The following BCL2L1 variants were observed in gnomAD, a reference collection of about 807,000 sequenced individuals.
The protein encoded by BCL2L1 is bcl-2-like protein 1.
In BCL2L1, 1 loss-of-function variant was observed where a neutral mutation model predicts 18.7. The observed-to-expected ratio is 0.05, with a 90% CI of 0.02 to 0.25. The LOEUF is 0.25. Ranked by LOEUF, BCL2L1 falls within the 10% of genes least tolerant of loss-of-function variation. The pLI is 1.00. For missense variants in BCL2L1, 207 were observed against 304.9 expected, an observed-to-expected ratio of 0.68 and a Z score of 2.39; for synonymous variants, 103 against 122.7, an observed-to-expected ratio of 0.84 and a Z score of 1.06.
chr20:31,703,087 C>T (rs1257287268), intron 2 of BCL2L1, among the ~76,000 whole-genome samples: 4 of 151,812 alleles, frequency 2.6e-5, no homozygotes, highest in African/African-American at 9.7e-5. Context: ...TCTTGTTGCC[C>T]AGGCTGGAGT....
At chr20:31,693,053 A>C (rs552771867) in intron 2 of BCL2L1, among the ~76,000 whole-genome samples, 1 of 151,218 alleles carries the variant, frequency 6.6e-6, no homozygotes, top group Non-Finnish European at 1.5e-5. Flanking sequence ...CCTGGGCGAG[A>C]AAGTGGGACC....
rs796497815 is a variant in BCL2L1 at position 31,722,656 on chromosome 20, C to G, written c.-169G>C. On this transcript the variant is annotated 5_prime_UTR_variant, in exon 1 of 3. Coordinates refer to ENST00000307677, the MANE Select transcript of BCL2L1 (RefSeq NM_138578.3). ...TTAGGCAAAGGCAGGCAGGTGCAGC[C>G]CCCGGAAGATCTTTTGTATCACAGG... The G allele has an allele frequency of 1.3e-5, 2 of 153,400 alleles. No individual in the cohort carries two copies. Among genetic ancestry groups the G allele is most frequent in the African/African-American group, 2.4e-5 (1 of 41,620 alleles). The allele number at this position is 153,400 out of a possible 1,614,324, so 9.5% of individuals were successfully genotyped here.
At chr20:31,691,252 T>A (rs542379547) in intron 2 of BCL2L1, among the ~76,000 whole-genome samples, 28 of 147,414 alleles carry the variant, frequency 1.9e-4, no homozygotes, top group African/African-American at 6.9e-4. Flanking sequence ...TAATTCAAAT[T>A]TACAGCCTTT....
In BCL2L1 at chr20:31,696,011, C is replaced by A. The variant is rs111919462; in HGVS notation, c.564+25644G>T. The stretch of plus-strand genomic sequence containing the variant: ...CCCAGGTTGGTCTCGAACTCCTGGG[C>A]TCAAGCAATACTCCCACTTCAGCTT... On this transcript the variant is annotated intron_variant, in intron 2 of 2. Transcript: ENST00000307677. 9.8e-3 allele frequency among the ~76,000 whole-genome samples: 1,486 copies of A among 152,236 alleles called. 23 individuals are homozygous for A. The highest frequency in any genetic ancestry group is 0.033 in the African/African-American group (1,377 of 41,520).
intron 2 of BCL2L1, among the ~76,000 whole-genome samples, chr20:31,671,024 G>A (rs560270801): frequency 1.1e-3 from 165 of 152,242 alleles, no homozygotes; most frequent in African/African-American, 3.7e-3. Context: ...GGAGGTCTCT[G>A]ATGTCACAAA....
intron 2 of BCL2L1, among the ~76,000 whole-genome samples, chr20:31,668,908 A>T (rs191800929): frequency 1.7e-3 from 245 of 145,484 alleles, no homozygotes; most frequent in African/African-American, 5.9e-3. Context: ...CCCAGCCACC[A>T]TTTTTTTTTT....
intron 2 of BCL2L1, among the ~76,000 whole-genome samples, chr20:31,681,641 T>TAATC (rs932194431): frequency 5.3e-5 from 8 of 152,258 alleles, no homozygotes; most frequent in South Asian, 2.1e-4. Flanking sequence ...ATACTGTTCT[T>TAATC]AATCAATCAA....
intron 2 of BCL2L1, among the ~76,000 whole-genome samples, chr20:31,685,007 G>A (rs994117539): frequency 1.3e-5 from 2 of 152,140 alleles, no homozygotes; most frequent in Non-Finnish European, 2.9e-5. Flanking sequence ...TACTGGCTCT[G>A]GGGACCTCCC....
chr20:31,710,553 G>A (rs960956174), intron 2 of BCL2L1, among the ~76,000 whole-genome samples: 11 of 152,222 alleles, frequency 7.2e-5, no homozygotes, highest in African/African-American at 2.7e-4. Context: ...AGTCTGGATT[G>A]GCAATGCAGT....
intron 2 of BCL2L1, among the ~76,000 whole-genome samples, chr20:31,712,258 A>AG (rs2061465577): frequency 6.6e-6 from 1 of 152,222 alleles, no homozygotes; most frequent in South Asian, 2.1e-4. Context: ...AGCGTTTAAA[A>AG]GGGGGAGGTT....
chr20:31,690,009 ACT>A (rs972132161), intron 2 of BCL2L1, among the ~76,000 whole-genome samples: 10 of 152,312 alleles, frequency 6.6e-5, no homozygotes, highest in African/African-American at 2.2e-4. Flanking sequence ...CAAGAGCGAA[ACT>A]CTGTCTCAAA....
intron 2 of BCL2L1, among the ~76,000 whole-genome samples, chr20:31,676,360 A>T (rs2060760820): frequency 2.0e-5 from 3 of 152,156 alleles, no homozygotes; most frequent in African/African-American, 7.2e-5. Context: ...AGAGAGGATA[A>T]ATCACCCTCC....
chr20:31,706,198 C>T (rs1014440737), intron 2 of BCL2L1, among the ~76,000 whole-genome samples: 4 of 152,068 alleles, frequency 2.6e-5, no homozygotes, highest in East Asian at 3.9e-4. Context: ...CACTGATCCT[C>T]GATAGTTCAG....
chr20:31,707,024 G>A (rs2061377577), intron 2 of BCL2L1, among the ~76,000 whole-genome samples: 1 of 152,206 alleles, frequency 6.6e-6, no homozygotes, highest in African/African-American at 2.4e-5. Flanking sequence ...AGCACCTACT[G>A]TGTGCCAGGC....
At chr20:31,667,239 T>A (rs1353802298) in intron 2 of BCL2L1, among the ~76,000 whole-genome samples, 2 of 152,048 alleles carry the variant, frequency 1.3e-5, no homozygotes, top group Admixed American at 1.3e-4. Flanking sequence ...GGTGGGTGGA[T>A]TGCCTGAGGT....
At chr20:31,670,278 C>T (rs185616584) in intron 2 of BCL2L1, among the ~76,000 whole-genome samples, 2 of 152,282 alleles carry the variant, frequency 1.3e-5, no homozygotes, top group East Asian at 3.9e-4. Context: ...CCCAAGTACA[C>T]CCAGGTGGAG....
intron 2 of BCL2L1, among the ~76,000 whole-genome samples, chr20:31,670,808 T>G (rs2060656874): frequency 6.6e-6 from 1 of 152,094 alleles, no homozygotes; most frequent in African/African-American, 2.4e-5. Context: ...CGTGGGTATA[T>G]TTAGCCCATG....
rs934283414 is a variant in BCL2L1 at position 31,693,636 on chromosome 20, G to A, written c.565-27550C>T. Among the ~76,000 whole-genome samples the A allele has an allele frequency of 3.3e-5, 5 of 151,688 alleles. No homozygotes were observed. In the East Asian group the frequency reaches 7.9e-4, roughly 24 times the overall value. ...CAGCCTTAAACTCCTGGGCTCAGGT[G>A]ATCCCCGACTCAACCTTCTGAGTAG... is the stretch of plus-strand genomic sequence containing the variant. On this transcript the variant is annotated intron_variant, in intron 2 of 2. Transcript: ENST00000307677.
At chr20:31,710,128 T>C (rs981550550) in intron 2 of BCL2L1, among the ~76,000 whole-genome samples, 1 of 152,164 alleles carries the variant, frequency 6.6e-6, no homozygotes, top group Non-Finnish European at 1.5e-5. Context: ...TCAACAAATA[T>C]TTGCTAAGTG....
Sources: gnomAD v4.1 joint callset for allele counts (sites outside exome capture counted in the v4.1 genomes callset) on GRCh38, gnomAD v4.1.1 for gene constraint, MANE v1.5 for transcripts, NCBI Gene and HGNC (gene_info 2026-07-23, HGNC 2026-07-21) for gene names.